Variants in GXYLT2 observed in about 807,000 individuals in gnomAD.
GXYLT2 encodes glycosyltransferase 8 domain containing 4.
A neutral mutation model predicts 45.8 loss-of-function variants in GXYLT2; 53 were observed. The observed-to-expected ratio is 1.16, with a 90% CI of 0.93 to 1.46. The LOEUF (loss-of-function observed/expected upper bound fraction) is 1.46. Among genes scored for constraint, GXYLT2 ranks in the 40% most tolerant of loss-of-function variants. The pLI is 0.00. For missense variants in GXYLT2, 551 were observed against 544.4 expected (o/e 1.01, Z -0.12); for synonymous variants, 219 against 214.2 (o/e 1.02, Z -0.19).
chr3:72,905,450 G>A (rs1405594454), intron 1 of GXYLT2, among the ~76,000 whole-genome samples: 1 of 152,156 alleles, frequency 6.6e-6, no homozygotes, highest in Non-Finnish European at 1.5e-5. Flanking sequence ...GTTGGTACAT[G>A]CCAGTCTGGT....
In GXYLT2 at chr3:72,888,125, G is replaced by T; in HGVS notation, c.-109G>T. The T allele has an allele frequency of 1.3e-6, 1 of 743,900 alleles. No homozygotes were observed. The highest frequency in any genetic ancestry group is 5.8e-5 in the South Asian group (1 of 17,270). 46.1% of individuals were successfully genotyped at this position (743,900 alleles called of 1,614,324 possible). A position where few individuals can be genotyped will look rare whatever the true frequency, so the allele number is the denominator to read the frequency against. ...GCCGCCACGACCCCAGTCCCCGGCG[G>T]GCGGGCGGAGGAGGCGACCGCCGCG... On this transcript the variant is annotated 5_prime_UTR_variant, in exon 1 of 7. Coordinates refer to ENST00000389617, the MANE Select transcript of GXYLT2 (RefSeq NM_001080393.2).
chr3:72,928,491 A>T (rs1709960264), intron 3 of GXYLT2, among the ~76,000 whole-genome samples: 1 of 152,216 alleles, frequency 6.6e-6, no homozygotes, highest in Non-Finnish European at 1.5e-5. Context: ...ACAGGCCATC[A>T]GCATTTCTTA....
At chr3:72,929,316 A>G in intron 3 of GXYLT2, 1 of 1,166,494 alleles carries the variant, frequency 8.6e-7, no homozygotes, top group Non-Finnish European at 1.3e-6. Context: ...CCAGACTGTG[A>G]CGACTGGGAG....
rs1559729619 is a variant in GXYLT2 at position 72,908,405 on chromosome 3, C to A, written c.314C>A (p.Pro105Gln). 2 of 1,613,558 alleles carry A rather than the reference C, an allele frequency of 1.2e-6. No individual in the cohort carries two copies. Residue 105 changes from proline (P) to glutamine (Q), a missense_variant, in exon 2 of 7, where the codon CCA becomes CAA. Coordinates refer to ENST00000389617, the MANE Select transcript of GXYLT2 (RefSeq NM_001080393.2). The part of the protein sequence containing the change: ...GEPRSFQAVL[P>Q]PELWIHLAVV... Reference sequence around the variant, plus strand: ...CCCAGGAGTTTCCAAGCTGTGCTGCCACCCGAGCTCTGGATCCACCTGGCT... The same window carrying A: ...CCCAGGAGTTTCCAAGCTGTGCTGCAACCCGAGCTCTGGATCCACCTGGCT...
At chr3:72,944,736 C>T (rs906039140) in intron 3 of GXYLT2, among the ~76,000 whole-genome samples, 13 of 152,088 alleles carry the variant, frequency 8.5e-5, no homozygotes, top group African/African-American at 3.1e-4. Context: ...AAATTCACTT[C>T]TGCTTGAATC....
chr3:72,905,115 A>G (rs1709487230), intron 1 of GXYLT2, among the ~76,000 whole-genome samples: 1 of 148,720 alleles, frequency 6.7e-6, no homozygotes. Flanking sequence ...GAAAATAACC[A>G]CTGTCCTGCA....
chr3:72,973,281 G>A lies in GXYLT2; in HGVS notation c.1150-1696G>A, dbSNP rs73838434. ...ATGGAGGCAGCCCAGGGGAAATCTG[G>A]GGAAAATCCCGTGAAACAGAAGGAA... On this transcript the variant is annotated intron_variant, in intron 6 of 6. Coordinates refer to ENST00000389617, the MANE Select transcript of GXYLT2 (RefSeq NM_001080393.2). 6.5e-3 allele frequency among the ~76,000 whole-genome samples: 982 copies of A among 152,242 alleles called. 8 individuals are homozygous for A. Among genetic ancestry groups the A allele is most frequent in the African/African-American group, 0.023 (950 of 41,534 alleles).
intron 3 of GXYLT2, among the ~76,000 whole-genome samples, chr3:72,934,821 G>C (rs951874151): frequency 2.0e-5 from 3 of 152,164 alleles, no homozygotes; most frequent in Admixed American, 6.5e-5. Context: ...TAAGACCCCA[G>C]GCCTGTTTCT....
chr3:72,904,784 T>G (rs1340579823), intron 1 of GXYLT2, among the ~76,000 whole-genome samples: 1 of 150,458 alleles, frequency 6.6e-6, no homozygotes, highest in Non-Finnish European at 1.5e-5. Flanking sequence ...CTCACCCCTG[T>G]AATCCCAGCA....
At chr3:72,918,799 G>A (rs887347030) in intron 2 of GXYLT2, among the ~76,000 whole-genome samples, 1 of 152,010 alleles carries the variant, frequency 6.6e-6, no homozygotes, top group Non-Finnish European at 1.5e-5. Context: ...CTGCACTCCA[G>A]CTTGGGCAAC....
intron 3 of GXYLT2, among the ~76,000 whole-genome samples, chr3:72,942,286 GAATA>G (rs1030553613): frequency 1.6e-4 from 24 of 151,268 alleles, no homozygotes; most frequent in African/African-American, 4.4e-4. Context: ...ATACATAACT[GAATA>G]AATAAATAAA....
intron 3 of GXYLT2, among the ~76,000 whole-genome samples, chr3:72,952,526 T>A (rs1177378426): frequency 1.3e-5 from 2 of 152,114 alleles, no homozygotes; most frequent in African/African-American, 2.4e-5. Flanking sequence ...CCCAGTGGCA[T>A]GTTATACTAG....
At chr3:72,949,374 C>G (rs1710471471) in intron 3 of GXYLT2, among the ~76,000 whole-genome samples, 1 of 152,112 alleles carries the variant, frequency 6.6e-6, no homozygotes, top group Admixed American at 6.6e-5. Flanking sequence ...TTCCTCCAGC[C>G]TGGCTTAAGG....
At chr3:72,931,461 C>A (rs1159876579) in intron 3 of GXYLT2, among the ~76,000 whole-genome samples, 2 of 151,886 alleles carry the variant, frequency 1.3e-5, no homozygotes, top group Admixed American at 1.3e-4. Context: ...GATCTCCTGA[C>A]CTCGTGATTC....
intron 2 of GXYLT2, among the ~76,000 whole-genome samples, chr3:72,917,245 G>A (rs981485841): frequency 2.6e-5 from 4 of 152,062 alleles, no homozygotes; most frequent in Admixed American, 1.3e-4. Context: ...TGAACCATGT[G>A]AATTTCCCAT....
intron 1 of GXYLT2, chr3:72,908,110 A>C: frequency 2.8e-6 from 1 of 359,068 alleles, no homozygotes; most frequent in Non-Finnish European, 5.0e-6. Flanking sequence ...CAGACAGCTG[A>C]GTGCTGGCAG....
At chr3:72,893,996 T>C (rs1179894605) in intron 1 of GXYLT2, among the ~76,000 whole-genome samples, 1 of 152,166 alleles carries the variant, frequency 6.6e-6, no homozygotes, top group Non-Finnish European at 1.5e-5. Context: ...CAGCTATTGG[T>C]CCACAGGTAT....
chr3:72,892,991 C>T (rs1427927802), intron 1 of GXYLT2, among the ~76,000 whole-genome samples: 2 of 152,130 alleles, frequency 1.3e-5, no homozygotes, highest in South Asian at 2.1e-4. Flanking sequence ...TCCTAACCAC[C>T]ATCATTCCCT....
At chr3:72,900,264 C>T (rs1430020648) in intron 1 of GXYLT2, among the ~76,000 whole-genome samples, 1 of 152,170 alleles carries the variant, frequency 6.6e-6, no homozygotes, top group African/African-American at 2.4e-5. Context: ...TTGTCTCAGG[C>T]ACCCTGGAGA....
Sources: gnomAD v4.1 joint callset for allele counts (sites outside exome capture counted in the v4.1 genomes callset) on GRCh38, gnomAD v4.1.1 for gene constraint, MANE v1.5 for transcripts, NCBI Gene and HGNC (gene_info 2026-07-23, HGNC 2026-07-21) for gene names.